The following MAST4 variants were observed in gnomAD, a reference collection of about 807,000 sequenced individuals.
MAST4 encodes microtubule associated serine/threonine kinase family member 4.
In MAST4, 89 loss-of-function variants were observed where a neutral mutation model predicts 162.7. The ratio of observed to expected loss-of-function variants is 0.55; its 90% CI spans 0.46 to 0.65. The LOEUF is 0.65. Ranked by LOEUF, MAST4 falls within the 30% of genes least tolerant of loss-of-function variation. MAST4 has a pLI of 0.00. For synonymous variants in MAST4, 1,479 were observed against 1,361.1 expected (o/e 1.09, Z -1.91); for missense variants, 3,153 against 3,374.0 (o/e 0.93, Z 1.62).
chr5:66,649,936 T>A (rs1287537611), intron 1 of MAST4, among the ~76,000 whole-genome samples: 1 of 150,216 alleles, frequency 6.7e-6, no homozygotes, highest in Non-Finnish European at 1.5e-5. Context: ...TTCTCAGTGA[T>A]TGCCCATTGG....
intron 1 of MAST4, among the ~76,000 whole-genome samples, chr5:66,700,861 A>ATG (rs1749730930): frequency 2.0e-5 from 3 of 151,534 alleles, no homozygotes; most frequent in African/African-American, 7.3e-5. Context: ...ACTTGTGGAT[A>ATG]ACATATTCAA....
chr5:67,130,690 A>G (rs1286570562), intron 15 of MAST4, among the ~76,000 whole-genome samples: 1 of 152,202 alleles, frequency 6.6e-6, no homozygotes, highest in Non-Finnish European at 1.5e-5. Flanking sequence ...ATTGGTCATT[A>G]AAGTTGGAAT....
At chr5:67,034,791 G>A (rs934344582) in intron 4 of MAST4, among the ~76,000 whole-genome samples, 2 of 152,174 alleles carry the variant, frequency 1.3e-5, no homozygotes, top group Admixed American at 6.5e-5. Flanking sequence ...AAAAGATGAC[G>A]TCTGTGGAAT....
chr5:66,928,132 AC>A, intron 4 of MAST4, among the ~76,000 whole-genome samples: 2 of 152,328 alleles, frequency 1.3e-5, no homozygotes, highest in South Asian at 4.1e-4. Flanking sequence ...ATTCAAAGGT[AC>A]CAGGTGTTAG....
rs532848135 is a variant in MAST4, at chr5:66,813,518, C to T, written c.642+24724C>T. Reference sequence around the variant, plus strand: ...GTTCAGTTGCCTTTCTTGTACTTTTCGGCCATCTCTGCTCCCTTAGGAAAG... The same window carrying T: ...GTTCAGTTGCCTTTCTTGTACTTTTTGGCCATCTCTGCTCCCTTAGGAAAG... On this transcript the variant is annotated intron_variant, in intron 3 of 28. Coordinates refer to ENST00000403625, the MANE Select transcript of MAST4 (RefSeq NM_001164664.2). Among the ~76,000 whole-genome samples, 82 of 152,338 alleles carry T rather than the reference C, an allele frequency of 5.4e-4. 3 individuals carry two copies. The East Asian group carries it at 0.013, about 23-fold the overall frequency.
intron 3 of MAST4, among the ~76,000 whole-genome samples, chr5:66,868,594 G>C (rs893833221): frequency 1.3e-5 from 2 of 150,952 alleles, no homozygotes; most frequent in African/African-American, 4.9e-5. Context: ...GTGGTGAGCT[G>C]TTTACAGTTC....
chr5:67,111,783 T>C (rs1470270633), intron 11 of MAST4, among the ~76,000 whole-genome samples: 1 of 152,196 alleles, frequency 6.6e-6, no homozygotes, highest in African/African-American at 2.4e-5. Flanking sequence ...TTTACAGTAA[T>C]CACTCATAAT....
At chr5:66,654,148 A>G (rs569861720) in intron 1 of MAST4, among the ~76,000 whole-genome samples, 1 of 152,200 alleles carries the variant, frequency 6.6e-6, no homozygotes, top group Admixed American at 6.5e-5. Context: ...GTGTGCTGCG[A>G]TAAAGAATAG....
At chr5:66,958,173 AAG>A (rs1745560376) in intron 4 of MAST4, among the ~76,000 whole-genome samples, 1 of 152,006 alleles carries the variant, frequency 6.6e-6, no homozygotes, top group African/African-American at 2.4e-5. Context: ...AAGAGAGAGA[AAG>A]AGAAAGAGAT....
chr5:66,766,824 A>T (rs1754117288), intron 2 of MAST4, among the ~76,000 whole-genome samples: 1 of 152,228 alleles, frequency 6.6e-6, no homozygotes, highest in Admixed American at 6.5e-5. Context: ...CCTGTATAAA[A>T]ATGGTGTGTG....
At chr5:66,935,073 T>A (rs1394694445) in intron 4 of MAST4, among the ~76,000 whole-genome samples, 1 of 152,196 alleles carries the variant, frequency 6.6e-6, no homozygotes, top group Non-Finnish European at 1.5e-5. Flanking sequence ...ATAGGACCAA[T>A]CTGAGGCTTT....
rs556973055 is a variant in MAST4, at chr5:66,886,768, G to A, written c.643-13183G>A. 1.3e-4 allele frequency among the ~76,000 whole-genome samples: 20 copies of A among 151,068 alleles called. 1 individual carries two copies. The South Asian group carries it at 1.9e-3, about 14-fold the overall frequency. On this transcript the variant is annotated intron_variant, in intron 3 of 28. Coordinates refer to ENST00000403625, the MANE Select transcript of MAST4 (RefSeq NM_001164664.2). ...GAAAACCACCTAAATTCATCCATAC[G>A]TTGCAGATGGCTGCATTCACATGTA...
intron 8 of MAST4, among the ~76,000 whole-genome samples, 188 bp from the exon 9 acceptor site, chr5:67,102,348 T>A (rs967558207): frequency 1.3e-5 from 2 of 152,184 alleles, no homozygotes; most frequent in Admixed American, 1.3e-4. Flanking sequence ...CTATTCAGAG[T>A]ATCTTTGTGT....
intron 5 of MAST4, among the ~76,000 whole-genome samples, chr5:67,077,239 T>G (rs752672940): frequency 1.3e-5 from 2 of 152,140 alleles, no homozygotes; most frequent in Non-Finnish European, 2.9e-5. Context: ...GAAACTTGAA[T>G]GCACACTGGA....
chr5:66,897,464 G>A (rs746950952), intron 3 of MAST4, among the ~76,000 whole-genome samples: 2 of 152,310 alleles, frequency 1.3e-5, no homozygotes, highest in South Asian at 2.1e-4. Flanking sequence ...GCTGCTCCCC[G>A]CGCAGGCTGC....
rs1477199635 is a variant in MAST4, at chr5:66,938,733, G to T, written c.674+38751G>T. On this transcript the variant is annotated intron_variant, in intron 4 of 28. Transcript: ENST00000403625. ...CTTGTAGAAAATAACATCCTTTAGA[G>T]CATGTGTTCTCAGTAGGCACAAGAT... 5.3e-5 allele frequency among the ~76,000 whole-genome samples: 8 copies of T among 152,186 alleles called. 1 individual carries two copies. Among genetic ancestry groups the T allele is most frequent in the Non-Finnish European group, 1.2e-4 (8 of 68,040 alleles).
intron 10 of MAST4, among the ~76,000 whole-genome samples, chr5:67,105,166 A>T (rs550414726): frequency 1.3e-5 from 2 of 152,176 alleles, no homozygotes; most frequent in Non-Finnish European, 2.9e-5. Context: ...GAGAGTCTGT[A>T]TGGGGGAATG....
chr5:66,651,782 A>C (rs1419935452), intron 1 of MAST4, among the ~76,000 whole-genome samples: 4 of 152,048 alleles, frequency 2.6e-5, no homozygotes, highest in African/African-American at 9.7e-5. Flanking sequence ...CTGGGGGAAG[A>C]CCTACTTCCT....
At chr5:66,717,955 C>T (rs756364037) in intron 1 of MAST4, among the ~76,000 whole-genome samples, 10 of 152,158 alleles carry the variant, frequency 6.6e-5, no homozygotes, top group Non-Finnish European at 1.3e-4. Flanking sequence ...ACCACCTCCC[C>T]ACAGCTGTTA....
Sources: allele counts gnomAD v4.1 joint callset (sites outside exome capture counted in the v4.1 genomes callset), GRCh38; gene constraint gnomAD v4.1.1; transcripts MANE v1.5; gene names NCBI Gene and HGNC (gene_info 2026-07-23, HGNC 2026-07-21).